CNTN6: variants seen among roughly 807,000 people sequenced by gnomAD.
CNTN6 encodes contactin-6.
CNTN6 carries 137 observed loss-of-function variants against 122.8 expected under a neutral mutation model. The ratio of observed to expected loss-of-function variants is 1.12; its 90% CI spans 0.97 to 1.29. The LOEUF (loss-of-function observed/expected upper bound fraction) is 1.29, where lower values mean the gene tolerates loss of function less well. CNTN6 is among the 50% of genes most tolerant of loss of function. The pLI, the probability that CNTN6 is intolerant of heterozygous loss-of-function variation, is 0.00. For synonymous variants in CNTN6, 570 were observed against 426.0 expected (o/e 1.34, Z -4.16); for missense variants, 1,634 against 1,223.4 (o/e 1.34, Z -5.01).
intron 1 of CNTN6, among the ~76,000 whole-genome samples, chr3:1,132,922 C>T (rs551974580): frequency 1.9e-4 from 29 of 152,184 alleles, no homozygotes; most frequent in Non-Finnish European, 2.5e-4. Flanking sequence ...AACAATAACT[C>T]AAAATTATTA....
chr3:1,098,785 CACACATATATAT>C (rs1343836779), intron 1 of CNTN6, among the ~76,000 whole-genome samples: 2 of 49,568 alleles, frequency 4.0e-5, no homozygotes, highest in South Asian at 8.4e-4. Context: ...CACACACACA[CACACATATATAT>C]ATATATATAT....
intron 20 of CNTN6, among the ~76,000 whole-genome samples, chr3:1,396,241 T>C (rs951096811): frequency 2.6e-5 from 4 of 152,234 alleles, no homozygotes; most frequent in African/African-American, 9.6e-5. Context: ...AACATTCACT[T>C]ACCTGGCTTC....
chr3:1,142,295 G>C (rs909578502), intron 1 of CNTN6, among the ~76,000 whole-genome samples: 1 of 151,658 alleles, frequency 6.6e-6, no homozygotes, highest in African/African-American at 2.4e-5. Flanking sequence ...TTAGCACTGT[G>C]TATAACCTCA....
At chr3:1,317,575 A>G (rs1700268630) in intron 7 of CNTN6, among the ~76,000 whole-genome samples, 1 of 151,778 alleles carries the variant, frequency 6.6e-6, no homozygotes, top group African/African-American at 2.4e-5. Flanking sequence ...CGGATTTCAG[A>G]GATGCTTTCT....
At chr3:1,369,825 T>A (rs1250022198) in intron 12 of CNTN6, among the ~76,000 whole-genome samples, 2 of 151,974 alleles carry the variant, frequency 1.3e-5, no homozygotes, top group Non-Finnish European at 2.9e-5. Flanking sequence ...TTCTAAAAAA[T>A]TTTCTTGGAT....
At chr3:1,308,831 C>A (rs1698780115) in intron 7 of CNTN6, among the ~76,000 whole-genome samples, 1 of 152,096 alleles carries the variant, frequency 6.6e-6, no homozygotes, top group Admixed American at 6.6e-5. Flanking sequence ...GCCATTCTTA[C>A]AGGTGTATAG....
intron 11 of CNTN6, among the ~76,000 whole-genome samples, chr3:1,344,158 A>T (rs1415521433): frequency 2.0e-5 from 3 of 152,116 alleles, no homozygotes; most frequent in Admixed American, 6.5e-5. Flanking sequence ...GAAGGATGTG[A>T]TAGAGAAAGC....
intron 11 of CNTN6, among the ~76,000 whole-genome samples, chr3:1,344,860 T>A (rs1195945943): frequency 6.6e-6 from 1 of 152,192 alleles, no homozygotes; most frequent in Non-Finnish European, 1.5e-5. Context: ...TGTGCTTTGC[T>A]GAAAGTGTGA....
intron 12 of CNTN6, among the ~76,000 whole-genome samples, chr3:1,366,108 G>A (rs1708179884): frequency 6.6e-6 from 1 of 152,060 alleles, no homozygotes; most frequent in Non-Finnish European, 1.5e-5. Flanking sequence ...TGCAATATGA[G>A]GAGCTCACGT....
intron 17 of CNTN6, among the ~76,000 whole-genome samples, chr3:1,381,133 C>T (rs1157109694): frequency 2.6e-5 from 4 of 152,220 alleles, no homozygotes; most frequent in East Asian, 1.9e-4. Flanking sequence ...AAAAACAAAA[C>T]TCCCCTATTT....
chr3:1,098,554 T>C (rs2090661655), intron 1 of CNTN6, among the ~76,000 whole-genome samples: 1 of 151,478 alleles, frequency 6.6e-6, no homozygotes, highest in Non-Finnish European at 1.5e-5. Context: ...ATATTTTCTA[T>C]AGTTTATTTT....
chr3:1,214,457 C>G (rs543537254), intron 2 of CNTN6, among the ~76,000 whole-genome samples: 1 of 151,148 alleles, frequency 6.6e-6, no homozygotes, highest in Non-Finnish European at 1.5e-5. Context: ...TACAGGCGCC[C>G]ACCACCACGC....
At chr3:1,337,240 A>G (rs1231190865) in intron 11 of CNTN6, among the ~76,000 whole-genome samples, 1 of 152,134 alleles carries the variant, frequency 6.6e-6, no homozygotes, top group Non-Finnish European at 1.5e-5. Flanking sequence ...GGTTTTTCCA[A>G]TCATCTGATC....
intron 2 of CNTN6, among the ~76,000 whole-genome samples, chr3:1,205,851 A>C (rs2093950882): frequency 6.6e-6 from 1 of 152,164 alleles, no homozygotes. Context: ...ATTGGATGGT[A>C]TGTGAATTAT....
chr3:1,126,025 C>G (rs1369134153), intron 1 of CNTN6, among the ~76,000 whole-genome samples: 2 of 151,846 alleles, frequency 1.3e-5, no homozygotes, highest in Non-Finnish European at 2.9e-5. Context: ...TACCCCAAAA[C>G]ACGCTAGAAT....
chr3:1,385,303 C>CTTG (rs1300506186), intron 19 of CNTN6, among the ~76,000 whole-genome samples: 2 of 152,004 alleles, frequency 1.3e-5, no homozygotes, highest in Admixed American at 1.3e-4. Context: ...TTTTGTCTGA[C>CTTG]TTGTTATACA....
chr3:1,211,311 C>T (rs2094034329), intron 2 of CNTN6, among the ~76,000 whole-genome samples: 1 of 152,038 alleles, frequency 6.6e-6, no homozygotes, highest in Non-Finnish European at 1.5e-5. Flanking sequence ...TCAGGTAGAA[C>T]CAAAAATAAT....
intron 1 of CNTN6, among the ~76,000 whole-genome samples, chr3:1,094,534 G>C (rs1402781615): frequency 6.6e-6 from 1 of 152,018 alleles, no homozygotes; most frequent in Non-Finnish European, 1.5e-5. Context: ...TAGCAAAAAA[G>C]TCAATCATTT....
At chr3:1,308,286 T>TG (rs1241599829) in intron 7 of CNTN6, among the ~76,000 whole-genome samples, 2 of 105,962 alleles carry the variant, frequency 1.9e-5, no homozygotes, top group South Asian at 3.4e-4. Context: ...TATGGGGTGT[T>TG]TTGTGTGTGT....
Sources: allele counts gnomAD v4.1 joint callset (sites outside exome capture counted in the v4.1 genomes callset), GRCh38; gene constraint gnomAD v4.1.1; transcripts MANE v1.5; gene names NCBI Gene and HGNC (gene_info 2026-07-23, HGNC 2026-07-21).